Variants in ENPEP observed in about 807,000 individuals in gnomAD.
ENPEP encodes glutamyl aminopeptidase.
A neutral mutation model predicts 114.5 loss-of-function variants in ENPEP; 103 were observed. The ratio of observed to expected loss-of-function variants is 0.90; its 90% confidence interval spans 0.77 to 1.06. ENPEP has a LOEUF of 1.06. Among genes scored for constraint, ENPEP ranks in the 50% least tolerant of loss-of-function variants. ENPEP has a pLI of 0.00. For synonymous variants in ENPEP, 420 were observed against 422.0 expected (o/e 1.00, Z 0.06); for missense variants, 1,196 against 1,161.3 (o/e 1.03, Z -0.43).
chr4:110,492,909 C>G (rs1260217139), intron 3 of ENPEP, among the ~76,000 whole-genome samples: 1 of 152,064 alleles, frequency 6.6e-6, no homozygotes, highest in East Asian at 1.9e-4. Context: ...GTTTCCCATA[C>G]CAAGTTTTAA....
chr4:110,509,269 C>T (rs900202938), intron 4 of ENPEP, among the ~76,000 whole-genome samples: 9 of 152,158 alleles, frequency 5.9e-5, no homozygotes, highest in African/African-American at 2.2e-4. Context: ...AAAACTGTAT[C>T]TATACACTTG....
At chr4:110,558,875 A>G (rs1300817726) in intron 18 of ENPEP, among the ~76,000 whole-genome samples, 1 of 152,222 alleles carries the variant, frequency 6.6e-6, no homozygotes, top group African/African-American at 2.4e-5. Context: ...TTCTCTGCTT[A>G]GGCAGACTGA....
At chr4:110,487,793 AT>A (rs1315935294) in intron 1 of ENPEP, among the ~76,000 whole-genome samples, 1 of 152,152 alleles carries the variant, frequency 6.6e-6, no homozygotes, top group Non-Finnish European at 1.5e-5. Context: ...TATGCTATTG[AT>A]TTTTTTGAGC....
chr4:110,528,123 T>C (rs1020539924), intron 10 of ENPEP, among the ~76,000 whole-genome samples: 2 of 152,230 alleles, frequency 1.3e-5, no homozygotes, highest in African/African-American at 2.4e-5. Context: ...CACCTTCAGA[T>C]ACTATTTTCA....
In ENPEP at chr4:110,476,969, G is replaced by C. The variant is rs748505226; in HGVS notation, c.555G>C (p.Leu185=). The change falls in exon 1 of 20, where the codon CTG becomes CTC. Residue 185 remains leucine, a synonymous_variant. Transcript: ENST00000265162. Reference sequence around the variant, plus strand: ...TTACCCCCAGCAGTGGAGATGGCCTGTATCTCCTGACCATGGAGTTCGCCG... The same window carrying C: ...TTACCCCCAGCAGTGGAGATGGCCTCTATCTCCTGACCATGGAGTTCGCCG... ...EELTPSSGDG[L]YLLTMEFAGW... is the part of the protein sequence containing the mutation. 9.9e-6 allele frequency: 16 copies of C among 1,614,078 alleles called. No homozygotes were observed. In the Admixed American group the frequency reaches 2.3e-4, roughly 24 times the overall value.
chr4:110,556,765 GTGT>G (rs1212704286), intron 18 of ENPEP, among the ~76,000 whole-genome samples: 1 of 152,090 alleles, frequency 6.6e-6, no homozygotes, highest in East Asian at 1.9e-4. Flanking sequence ...TCAATGCTCA[GTGT>G]TGTTATTTTT....
intron 8 of ENPEP, chr4:110,519,034 G>A (rs1725884589): frequency 2.2e-6 from 1 of 453,752 alleles, no homozygotes; most frequent in African/African-American, 2.0e-5. Flanking sequence ...TTTCTGTAAT[G>A]AATACCTAAA....
chr4:110,516,978 C>T (rs1421732651), intron 8 of ENPEP, among the ~76,000 whole-genome samples: 1 of 152,092 alleles, frequency 6.6e-6, no homozygotes, highest in African/African-American at 2.4e-5. Context: ...GAGTCTCGCT[C>T]TGTCGCCAAG....
At chr4:110,540,460 T>C (rs537052095) in intron 11 of ENPEP, among the ~76,000 whole-genome samples, 1 of 152,316 alleles carries the variant, frequency 6.6e-6, no homozygotes, top group African/African-American at 2.4e-5. Context: ...ACATACAGTA[T>C]ATTAGTCCTG....
At chr4:110,560,819 T>G (rs1325597760) in intron 19 of ENPEP, among the ~76,000 whole-genome samples, 1 of 152,228 alleles carries the variant, frequency 6.6e-6, no homozygotes, top group Non-Finnish European at 1.5e-5. Flanking sequence ...GTATGAAGTT[T>G]CAATATCTGT....
At position 110,476,793 on chromosome 4, in the gene ENPEP, G is replaced by T. The variant is rs767349194; in HGVS notation, c.379G>T (p.Ala127Ser). 5.0e-6 allele frequency: 8 copies of T among 1,614,034 alleles called. No homozygotes were observed. In the African/African-American group the frequency reaches 8.0e-5, roughly 16 times the overall value. The change falls in exon 1 of 20, where the codon GCT becomes TCT. Residue 127 changes from alanine to serine, a missense_variant. Physicochemically the swap from Ala to Ser is moderately conservative, Grantham distance 99. Transcript: ENST00000265162. Reference sequence around the variant, plus strand: ...CGTGAGCATCTCCATCAACCTGAGCGCTCCCACCCGGTACCTGTGGCTGCA... The same window carrying T: ...CGTGAGCATCTCCATCAACCTGAGCTCTCCCACCCGGTACCTGTGGCTGCA... ...GTVSISINLS[A>S]PTRYLWLHLR... is the part of the protein sequence containing the mutation.
intron 8 of ENPEP, chr4:110,519,151 C>G (rs1338556579): frequency 2.2e-6 from 1 of 455,118 alleles, no homozygotes; most frequent in Non-Finnish European, 4.4e-6. Flanking sequence ...GTGGCTTCAT[C>G]CCTCTTCCAG....
chr4:110,545,746 G>A (rs934972858), intron 13 of ENPEP, among the ~76,000 whole-genome samples: 2 of 151,960 alleles, frequency 1.3e-5, no homozygotes, highest in Admixed American at 1.3e-4. Context: ...CATTGAGAAG[G>A]ATCTTTCTCC....
At chr4:110,558,864 T>C (rs1354933217) in intron 18 of ENPEP, among the ~76,000 whole-genome samples, 1 of 152,192 alleles carries the variant, frequency 6.6e-6, no homozygotes, top group African/African-American at 2.4e-5. Context: ...TAGCTTTAGG[T>C]TTCTCTGCTT....
chr4:110,509,772 G>T lies in ENPEP; in HGVS notation c.1159G>T (p.Val387Leu). The T allele has an allele frequency of 6.2e-7, 1 of 1,614,020 alleles. No homozygotes were observed. Among genetic ancestry groups the T allele is most frequent in the Non-Finnish European group, 8.5e-7 (1 of 1,179,988 alleles). ...ATCAGCCTCATCAAACCAACAGAGG[G>T]TGGCCACTGTGGTTGCCCATGAACT... The part of the protein sequence containing the change: ...KESASSNQQR[V>L]ATVVAHELVH... Residue 387 changes from valine to leucine, a missense_variant, in exon 5 of 20, where the codon GTG (valine) becomes TTG (leucine). By Grantham distance (32) the Val-to-Leu change is conservative. Coordinates refer to ENST00000265162, the MANE Select transcript of ENPEP (RefSeq NM_001977.4).
At chr4:110,506,521 T>G (rs1324560857) in intron 3 of ENPEP, 116 bp from the exon 4 acceptor site, 2 of 1,069,304 alleles carry the variant, frequency 1.9e-6, no homozygotes, top group Non-Finnish European at 2.6e-6. Flanking sequence ...GGAATTCAAA[T>G]TAGACATATC....
chr4:110,478,078 C>A (rs1724181610), intron 1 of ENPEP, among the ~76,000 whole-genome samples: 1 of 152,190 alleles, frequency 6.6e-6, no homozygotes, highest in African/African-American at 2.4e-5. Context: ...CTTCTTGTCA[C>A]AGTTTAGAGA....
chr4:110,526,001 C>T (rs34579223), intron 10 of ENPEP, among the ~76,000 whole-genome samples: 17,291 of 152,046 alleles, frequency 0.11, 1,242 homozygotes, highest in East Asian at 0.21. Context: ...TATGGCCGGG[C>T]GTGGTGGTTC....
chr4:110,543,274 G>A (rs916899795), intron 13 of ENPEP, among the ~76,000 whole-genome samples: 1 of 151,948 alleles, frequency 6.6e-6, no homozygotes, highest in Admixed American at 6.6e-5. Context: ...TAGCCCTTAA[G>A]GTATACACAA....
Sources: gnomAD v4.1 joint callset for allele counts (sites outside exome capture counted in the v4.1 genomes callset) on GRCh38, gnomAD v4.1.1 for gene constraint, MANE v1.5 for transcripts, NCBI Gene and HGNC (gene_info 2026-07-23, HGNC 2026-07-21) for gene names.